The following GLI2 variants were observed in gnomAD, a reference collection of about 807,000 sequenced individuals.
GLI2 encodes transcription activator GLI2.
A neutral mutation model predicts 78.9 loss-of-function variants in GLI2; 22 were observed. The observed-to-expected ratio is 0.28, with a 90% CI of 0.20 to 0.40. The LOEUF (loss-of-function observed/expected upper bound fraction) is 0.40. Among genes scored for constraint, GLI2 ranks in the 10% least tolerant of loss-of-function variants. The probability of loss-of-function intolerance (pLI) is 1.00; values close to 1 mark genes in which losing one functional copy is unlikely to be tolerated. For synonymous variants in GLI2, 974 were observed against 963.7 expected, an observed-to-expected ratio of 1.01 and a Z score of -0.20; for missense variants, 2,097 against 2,213.2, an observed-to-expected ratio of 0.95 and a Z score of 1.05.
chr2:120,850,668 C>T (rs1687363691), intron 2 of GLI2, among the ~76,000 whole-genome samples: 1 of 152,138 alleles, frequency 6.6e-6, no homozygotes, highest in Non-Finnish European at 1.5e-5. Flanking sequence ...TGCCCCCTCT[C>T]TACAGTCAGA....
chr2:120,757,786 CG>C (rs1489560882), intron 1 of GLI2, among the ~76,000 whole-genome samples: 1 of 152,202 alleles, frequency 6.6e-6, no homozygotes, highest in African/African-American at 2.4e-5. Flanking sequence ...CTCCCTGTGC[CG>C]TGGCCTGGAA....
At chr2:120,849,472 T>C (rs896464172) in intron 2 of GLI2, among the ~76,000 whole-genome samples, 2 of 152,210 alleles carry the variant, frequency 1.3e-5, no homozygotes, top group African/African-American at 4.8e-5. Context: ...ATGATGATGA[T>C]GATGATGGCG....
chr2:120,741,619 C>T (rs1479163201), intron 1 of GLI2, among the ~76,000 whole-genome samples: 1 of 152,048 alleles, frequency 6.6e-6, no homozygotes, highest in Non-Finnish European at 1.5e-5. Flanking sequence ...TCCGCCTCCT[C>T]CCCGCCCCCG....
intron 2 of GLI2, among the ~76,000 whole-genome samples, chr2:120,817,315 A>G (rs1428353846): frequency 6.6e-6 from 1 of 152,010 alleles, no homozygotes; most frequent in Admixed American, 6.5e-5. Flanking sequence ...TCTCTCCCCC[A>G]GCTCCCAGCC....
chr2:120,771,921 G>T (rs1683533457), intron 1 of GLI2, among the ~76,000 whole-genome samples: 1 of 152,186 alleles, frequency 6.6e-6, no homozygotes, highest in Non-Finnish European at 1.5e-5. Flanking sequence ...TGCCTCCAGT[G>T]CTTGGATTTG....
chr2:120,747,694 G>A (rs528981523), intron 1 of GLI2, among the ~76,000 whole-genome samples: 1 of 152,350 alleles, frequency 6.6e-6, no homozygotes, highest in African/African-American at 2.4e-5. Context: ...AATGTCAGCA[G>A]TGCTGCTCTC....
chr2:120,777,359 T>TGG (rs1433446810), intron 1 of GLI2, among the ~76,000 whole-genome samples: 1 of 151,306 alleles, frequency 6.6e-6, no homozygotes, highest in Non-Finnish European at 1.5e-5. Flanking sequence ...TGGGCGTGTG[T>TGG]GGGGGTGAGG....
chr2:120,986,431 G>A lies in GLI2; in HGVS notation c.2059G>A (p.Ala687Thr). 1.2e-6 allele frequency: 2 copies of A among 1,613,886 alleles called. No homozygotes were observed. Among genetic ancestry groups the A allele is most frequent in the Non-Finnish European group, 1.7e-6 (2 of 1,180,016 alleles). ...GGCACTGGATGACACACCCCCAGGG[G>A]CCGACACCTCAGCCCTGGCTGCCCC... Reference protein sequence around the residue: ...LTALDDTPPGADTSALAAPSA... With the variant: ...LTALDDTPPGTDTSALAAPSA... The change falls in exon 13 of 14, where the codon GCC becomes ACC. Residue 687 changes from alanine (A) to threonine (T), a missense_variant. By Grantham distance (58) the Ala-to-Thr change is moderately conservative. Coordinates refer to ENST00000361492, the MANE Select transcript of GLI2 (RefSeq NM_001374353.1).
At chr2:120,975,153 C>G (rs1180794215) in intron 9 of GLI2, 44 bp downstream of exon 9, 2 of 1,595,300 alleles carry the variant, frequency 1.3e-6, no homozygotes, top group Non-Finnish European at 1.7e-6. Flanking sequence ...GGGCACGGCC[C>G]AGGCCATGCA....
At chr2:120,941,569 T>C (rs972911942) in intron 3 of GLI2, among the ~76,000 whole-genome samples, 5 of 152,072 alleles carry the variant, frequency 3.3e-5, no homozygotes, top group Admixed American at 6.5e-5. Flanking sequence ...AAGTTCCAGT[T>C]TGGGGAGGAA....
intron 8 of GLI2, chr2:120,972,642 G>A (rs1203473745): frequency 1.9e-6 from 1 of 518,970 alleles, no homozygotes. Flanking sequence ...AGAAGTGCCT[G>A]ACTGGGTTCC....
intron 13 of GLI2, among the ~76,000 whole-genome samples, chr2:120,987,460 A>G (rs745917540): frequency 6.6e-6 from 1 of 152,178 alleles, no homozygotes; most frequent in Non-Finnish European, 1.5e-5. Flanking sequence ...CCCAGCCATC[A>G]AGATGAGGCT....
chr2:120,989,213 C>T lies in GLI2; in HGVS notation c.3248C>T (p.Pro1083Leu), dbSNP rs1298335402. Reference protein sequence around the residue: ...STGFSDNPRLPSPGLHGQRRM... With the variant: ...STGFSDNPRLLSPGLHGQRRM... ...GGCTTCTCTGACAACCCCAGACTACCCAGCCCGGGGCTGCACGGCCAGCGC... is the reference window on the plus strand; with the variant it reads ...GGCTTCTCTGACAACCCCAGACTACTCAGCCCGGGGCTGCACGGCCAGCGC... Residue 1083 changes from proline to leucine, a missense_variant, in exon 14 of 14, where the codon CCC becomes CTC. Pro to Leu is a moderately conservative substitution (Grantham distance 98). Coordinates refer to ENST00000361492, the MANE Select transcript of GLI2 (RefSeq NM_001374353.1). 1 of 1,613,080 alleles carries T rather than the reference C, an allele frequency of 6.2e-7. No individual in the cohort carries two copies. Among genetic ancestry groups the T allele is most frequent in the Admixed American group, 1.7e-5 (1 of 60,018 alleles).
chr2:120,756,368 A>G (rs1683033788), intron 1 of GLI2, among the ~76,000 whole-genome samples: 1 of 152,200 alleles, frequency 6.6e-6, no homozygotes, highest in Non-Finnish European at 1.5e-5. Context: ...CTAATATTAA[A>G]GAATATAATT....
chr2:120,987,249 ACT>A (rs1683023259), intron 13 of GLI2, among the ~76,000 whole-genome samples: 1 of 152,200 alleles, frequency 6.6e-6, no homozygotes, highest in African/African-American at 2.4e-5. Flanking sequence ...CGGGCTGCCC[ACT>A]GTGGTCAACA....
chr2:120,949,147 G>C (rs1432479565), intron 3 of GLI2, among the ~76,000 whole-genome samples: 1 of 152,184 alleles, frequency 6.6e-6, no homozygotes, highest in Admixed American at 6.5e-5. Context: ...TTGTCCAGGG[G>C]TGCATTAGTC....
intron 3 of GLI2, among the ~76,000 whole-genome samples, chr2:120,942,930 G>A (rs539052312): frequency 4.9e-5 from 7 of 143,858 alleles, no homozygotes; most frequent in East Asian, 2.0e-4. Context: ...TCATTCATTC[G>A]TTCACACCCT....
intron 1 of GLI2, among the ~76,000 whole-genome samples, chr2:120,778,463 C>T (rs151052911): frequency 1.0e-3 from 155 of 152,294 alleles, no homozygotes; most frequent in Admixed American, 3.3e-3. Context: ...GGTTACCTGC[C>T]GGGTTCCTAG....
chr2:120,745,481 G>T (rs1682666897), intron 1 of GLI2, among the ~76,000 whole-genome samples: 1 of 152,194 alleles, frequency 6.6e-6, no homozygotes, highest in East Asian at 1.9e-4. Context: ...GTGGCGTCAG[G>T]CCTGGGAGCT....
Sources: allele counts gnomAD v4.1 joint callset (sites outside exome capture counted in the v4.1 genomes callset), GRCh38; gene constraint gnomAD v4.1.1; transcripts MANE v1.5; gene names NCBI Gene and HGNC (gene_info 2026-07-23, HGNC 2026-07-21).